LOC400499: variants seen among roughly 807,000 people sequenced by gnomAD.
At chr16:11,441,819 C>T in the LOC400499 span, among the ~76,000 whole-genome samples, 3 of 152,206 alleles carry the variant, frequency 2.0e-5, no homozygotes, top group Admixed American at 6.5e-5. Context: ...TCCTCTGGAG[C>T]CTCCAGAAGG....
chr16:11,465,996 G>A, the LOC400499 span, among the ~76,000 whole-genome samples: 1 of 152,206 alleles, frequency 6.6e-6, no homozygotes, highest in African/African-American at 2.4e-5. Flanking sequence ...AGAGAGAATG[G>A]TGTTCATGGC....
the LOC400499 span, chr16:11,523,482 G>A: frequency 1.4e-4 from 55 of 398,524 alleles, no homozygotes; most frequent in East Asian, 2.0e-3. Flanking sequence ...TTCTGAAATC[G>A]CAAATCAGAT....
At chr16:11,459,993 C>T in the LOC400499 span, 1 of 1,509,442 alleles carries the variant, frequency 6.6e-7, no homozygotes, top group East Asian at 2.5e-5. Context: ...CCAGTGCTTC[C>T]CGTAGCTCAC....
chr16:11,426,269 C>T, the LOC400499 span, among the ~76,000 whole-genome samples: 1 of 152,100 alleles, frequency 6.6e-6, no homozygotes, highest in Non-Finnish European at 1.5e-5. Context: ...AACCCTGTCT[C>T]TACTAAGAAT....
the LOC400499 span, among the ~76,000 whole-genome samples, chr16:11,406,721 C>T: frequency 7.2e-5 from 11 of 152,234 alleles, no homozygotes; most frequent in African/African-American, 2.7e-4. Context: ...CGCGAGCCAC[C>T]GTGCCCGGCC....
At chr16:11,384,866 C>G in the LOC400499 span, 1 of 1,232,226 alleles carries the variant, frequency 8.1e-7, no homozygotes, top group Non-Finnish European at 1.0e-6. Flanking sequence ...GTGGGGCCAA[C>G]CCTCCTGGGG....
chr16:11,455,123 A>G, the LOC400499 span, among the ~76,000 whole-genome samples: 2 of 152,364 alleles, frequency 1.3e-5, no homozygotes, highest in East Asian at 3.9e-4. Context: ...GGCAATTACA[A>G]AACTCCAGAA....
the LOC400499 span, among the ~76,000 whole-genome samples, chr16:11,526,584 CATT>C: frequency 6.6e-6 from 1 of 152,146 alleles, no homozygotes; most frequent in East Asian, 1.9e-4. Context: ...AAATAAATCT[CATT>C]AATACTTCCT....
the LOC400499 span, among the ~76,000 whole-genome samples, chr16:11,526,194 G>A: frequency 1.3e-5 from 2 of 152,286 alleles, no homozygotes; most frequent in African/African-American, 4.8e-5. Context: ...ATGTGGCTAT[G>A]AAGCATCTAA....
chr16:11,405,753 T>C, the LOC400499 span, among the ~76,000 whole-genome samples: 1 of 152,214 alleles, frequency 6.6e-6, no homozygotes, highest in Non-Finnish European at 1.5e-5. Context: ...TTCTGCCACC[T>C]GTAGGTCCCT....
the LOC400499 span, among the ~76,000 whole-genome samples, chr16:11,479,464 A>T: frequency 1.2e-3 from 32 of 26,974 alleles, no homozygotes; most frequent in Middle Eastern, 0.013. Flanking sequence ...TTAAAAAATT[A>T]AAAAAAAAAA....
At chr16:11,504,055 G>A in the LOC400499 span, among the ~76,000 whole-genome samples, 105 of 151,972 alleles carry the variant, frequency 6.9e-4, no homozygotes, top group Middle Eastern at 6.8e-3. Context: ...GTGCCTGCCC[G>A]GGACCACTCC....
the LOC400499 span, among the ~76,000 whole-genome samples, chr16:11,374,224 C>T: frequency 6.6e-6 from 1 of 152,118 alleles, no homozygotes; most frequent in Non-Finnish European, 1.5e-5. Context: ...AGAATTTTAT[C>T]TCCTTAAGAG....
chr16:11,384,284 C>T, the LOC400499 span: 7 of 1,232,458 alleles, frequency 5.7e-6, no homozygotes, highest in Non-Finnish European at 7.1e-6. Context: ...AGCTCATTGC[C>T]TGCTTCATTG....
the LOC400499 span, among the ~76,000 whole-genome samples, chr16:11,486,289 G>A: frequency 2.3e-5 from 2 of 87,326 alleles, no homozygotes; most frequent in Non-Finnish European, 4.4e-5. Context: ...ATGGATGGAT[G>A]GATGGATGAA....
chr16:11,376,797 A>AAT, the LOC400499 span, among the ~76,000 whole-genome samples: 2 of 152,158 alleles, frequency 1.3e-5, no homozygotes, highest in African/African-American at 4.8e-5. Context: ...TTGACATCTT[A>AAT]ATGATATTCT....
At chr16:11,513,575 C>T in the LOC400499 span, among the ~76,000 whole-genome samples, 2 of 151,920 alleles carry the variant, frequency 1.3e-5, no homozygotes, top group African/African-American at 2.4e-5. Flanking sequence ...GAATTACAGG[C>T]GCCCACCACT....
the LOC400499 span, chr16:11,461,106 C>A: frequency 6.5e-7 from 1 of 1,535,456 alleles, no homozygotes; most frequent in South Asian, 1.2e-5. Context: ...TCTCCTCCTT[C>A]CTCTCCAGCA....
At chr16:11,457,136 C>A in the LOC400499 span, 1 of 1,159,614 alleles carries the variant, frequency 8.6e-7, no homozygotes, top group Non-Finnish European at 1.2e-6. Flanking sequence ...GCCAAGATTG[C>A]ACTACTGCAC....
Sources: allele counts gnomAD v4.1 joint callset (sites outside exome capture counted in the v4.1 genomes callset), GRCh38; gene constraint gnomAD v4.1.1; transcripts MANE v1.5.